CSPG5: variants seen among roughly 807,000 people sequenced by gnomAD.
CSPG5 encodes chondroitin sulfate proteoglycan 5.
Under a neutral mutation model 39.8 loss-of-function variants are expected in CSPG5, and 25 were observed. The observed-to-expected ratio is 0.63, with a 90% CI of 0.46 to 0.88. The LOEUF (loss-of-function observed/expected upper bound fraction) is 0.88. CSPG5 is among the 40% of genes least tolerant of loss of function. The pLI is 0.00. For missense variants in CSPG5, 627 were observed against 702.2 expected, an observed-to-expected ratio of 0.89 and a Z score of 1.21; for synonymous variants, 295 against 303.9, an observed-to-expected ratio of 0.97 and a Z score of 0.31.
intron 4 of CSPG5, among the ~76,000 whole-genome samples, chr3:47,565,897 T>C (rs1470465259): frequency 6.6e-6 from 1 of 152,210 alleles, no homozygotes; most frequent in African/African-American, 2.4e-5. Flanking sequence ...GGCAGCTTCC[T>C]ACATTCTCTG....
rs1039221994 is a variant in CSPG5, at chr3:47,578,159, C to G, written c.98-231G>C. On this transcript the variant is annotated intron_variant, in intron 1 of 4. Transcript: ENST00000264723. This position sits in a 1 kb window ranked among gnomAD's most constrained non-coding sequence, Gnocchi z 6.0. Reference sequence around the variant, plus strand: ...CCCGCCCAACGCCTCGCGGCTCGGCCCCGCCCGACCTGCCCCGCCGTCTGA... The same window carrying G: ...CCCGCCCAACGCCTCGCGGCTCGGCGCCGCCCGACCTGCCCCGCCGTCTGA... 6.5e-6 allele frequency: 4 copies of G among 610,886 alleles called. No homozygotes were observed. The highest frequency in any genetic ancestry group is 5.8e-5 in the African/African-American group (3 of 52,100). The allele number at this position is 610,886 out of a possible 1,614,324, so 37.8% of individuals were successfully genotyped here.
At chr3:47,562,826 C>T (rs1006237743) in intron 4 of CSPG5, 65 bp from the exon 5 acceptor site, 6 of 1,436,036 alleles carry the variant, frequency 4.2e-6, no homozygotes, top group Non-Finnish European at 4.7e-6. Context: ...ATAATATCAG[C>T]GTTTTCTATC....
chr3:47,579,158 G>C (rs1285821611), upstream of CSPG5: 1 of 152,216 alleles, frequency 6.6e-6, no homozygotes, highest in Non-Finnish European at 1.5e-5. The surrounding 1 kb of genome is among the most constrained non-coding windows in gnomAD (Gnocchi z 4.2). Flanking sequence ...CAGGCGGCAC[G>C]GGGCCCCGAC....
At chr3:47,579,331 T>G (rs1404648944), upstream of CSPG5, 2 of 152,222 alleles carry the variant, frequency 1.3e-5, no homozygotes, top group Non-Finnish European at 2.9e-5. This position sits in a 1 kb window ranked among gnomAD's most constrained non-coding sequence, Gnocchi z 4.2. Context: ...CCTCTCGGAT[T>G]CTGCACCAAT....
rs751975089 is a variant in CSPG5 at position 47,577,729 on chromosome 3, G to A, written c.297C>T (p.Ala99=). The change falls in exon 2 of 5, where the codon GCC becomes GCT. Residue 99 remains alanine (A), a synonymous_variant. Coordinates refer to ENST00000264723, the MANE Select transcript of CSPG5 (RefSeq NM_006574.4). The surrounding 1 kb of genome is among the most constrained non-coding windows in gnomAD (Gnocchi z 4.7). The stretch of plus-strand genomic sequence containing the variant: ...GGCCTGGGCTGTCAGCTTCCAGCCA[G>A]GCGGTGCCGGTCACCGCAGCCGACT... ...LQESAAVTGT[A]WLEADSPGLG... is the part of the protein sequence containing the mutation. The A allele has an allele frequency of 5.1e-6, 8 of 1,579,288 alleles. No homozygotes were observed. Among genetic ancestry groups the A allele is most frequent in the Non-Finnish European group, 5.1e-6 (6 of 1,168,192 alleles).
chr3:47,567,739 T>A (rs2031367118), intron 4 of CSPG5, among the ~76,000 whole-genome samples: 2 of 152,212 alleles, frequency 1.3e-5, no homozygotes, highest in South Asian at 4.1e-4. Context: ...AGGCCAGGCA[T>A]GGTAGCTCAC....
At chr3:47,564,708 A>C (rs1168476719) in intron 4 of CSPG5, among the ~76,000 whole-genome samples, 1 of 152,200 alleles carries the variant, frequency 6.6e-6, no homozygotes, top group African/African-American at 2.4e-5. Context: ...TGATTGAAAA[A>C]AAGTAAGGGG....
At chr3:47,576,223 C>CGTG (rs1705756152) in intron 2 of CSPG5, among the ~76,000 whole-genome samples, 1 of 152,086 alleles carries the variant, frequency 6.6e-6, no homozygotes, top group Non-Finnish European at 1.5e-5. Flanking sequence ...AGGCGTGAGC[C>CGTG]ACCACGCCCG....
At chr3:47,566,734 G>A (rs1031568811) in intron 4 of CSPG5, among the ~76,000 whole-genome samples, 1 of 152,156 alleles carries the variant, frequency 6.6e-6, no homozygotes, top group Non-Finnish European at 1.5e-5. Context: ...GAGAGAACCA[G>A]AGCCAGATCT....
At chr3:47,562,791 A>T in intron 4 of CSPG5, 30 bp from the exon 5 acceptor site, 1 of 1,541,556 alleles carries the variant, frequency 6.5e-7, no homozygotes, top group Non-Finnish European at 8.9e-7. Context: ...GGGGGGGGGG[A>T]GACAATGCAT....
chr3:47,577,457 T>G lies in CSPG5; in HGVS notation c.569A>C (p.Glu190Ala). Reference protein sequence around the residue: ...GGSTPDPQGPELTYPFQGTLE... With the variant: ...GGSTPDPQGPALTYPFQGTLE... Reference sequence around the variant, plus strand: ...GGTGCCCTGAAATGGGTAAGTCAGCTCTGGCCCTTGAGGGTCGGGTGTGCT... The same window carrying G: ...GGTGCCCTGAAATGGGTAAGTCAGCGCTGGCCCTTGAGGGTCGGGTGTGCT... The change falls in exon 2 of 5, where the codon GAG becomes GCG. Residue 190 changes from glutamate to alanine, a missense_variant. Glu to Ala is a moderately radical substitution (Grantham distance 107, BLOSUM62 -1). Transcript: ENST00000264723. The surrounding 1 kb of genome is among the most constrained non-coding windows in gnomAD (Gnocchi z 4.7). 1 of 1,614,052 alleles carries G rather than the reference T, an allele frequency of 6.2e-7. No individual in the cohort carries two copies. The highest frequency in any genetic ancestry group is 8.5e-7 in the Non-Finnish European group (1 of 1,180,000).
In CSPG5 at chr3:47,577,011, G is replaced by A. The variant is rs762695503; in HGVS notation, c.1015C>T (p.Leu339Phe). The change falls in exon 2 of 5, where the codon CTC becomes TTC. Residue 339 changes from leucine to phenylalanine, a missense_variant. Leu to Phe is a conservative substitution (Grantham distance 22, BLOSUM62 0). Coordinates refer to ENST00000264723, the MANE Select transcript of CSPG5 (RefSeq NM_006574.4). The surrounding 1 kb of genome is among the most constrained non-coding windows in gnomAD (Gnocchi z 4.7). ...LGSVPGSSIALRPRPGEPGRD... is the reference protein window; with the variant it reads ...LGSVPGSSIAFRPRPGEPGRD... ...CCTGGCTCTCCTGGGCGGGGCCTGA[G>A]GGCGATGCTGCTGCCGGGGACCGAC... The A allele has an allele frequency of 6.2e-7, 1 of 1,613,238 alleles. No homozygotes were observed. The highest frequency in any genetic ancestry group is 1.1e-5 in the South Asian group (1 of 90,988).
chr3:47,574,880 A>G (rs2031650478), intron 2 of CSPG5, among the ~76,000 whole-genome samples: 1 of 152,096 alleles, frequency 6.6e-6, no homozygotes, highest in African/African-American at 2.4e-5. Flanking sequence ...CGGAGCTTAT[A>G]GTGAGTCGAG....
chr3:47,574,852 T>C (rs3772404), intron 2 of CSPG5, among the ~76,000 whole-genome samples: 35,242 of 151,966 alleles, frequency 0.23, 5,282 homozygotes, highest in Admixed American at 0.31. Flanking sequence ...GGCAGGAGAA[T>C]GGCATGAACC....
Position 47,572,913 on chromosome 3 carries a change from G to A in CSPG5, c.1194-39C>T. On this transcript the variant is annotated intron_variant, in intron 2 of 4. Transcript: ENST00000264723. The surrounding 1 kb of genome is among the most constrained non-coding windows in gnomAD (Gnocchi z 4.5). ...ATTGAGAAACCGTGGCGATGGAGCAGGCAGCCACGGCCACAGTAAGGGCCT... is the reference window on the plus strand; with the variant it reads ...ATTGAGAAACCGTGGCGATGGAGCAAGCAGCCACGGCCACAGTAAGGGCCT... 6.3e-7 allele frequency: 1 copy of A among 1,578,738 alleles called. No homozygotes were observed. The highest frequency in any genetic ancestry group is 8.6e-7 in the Non-Finnish European group (1 of 1,156,228).
At chr3:47,573,423 T>C (rs554006879) in intron 2 of CSPG5, among the ~76,000 whole-genome samples, 7 of 152,304 alleles carry the variant, frequency 4.6e-5, no homozygotes, top group Non-Finnish European at 5.9e-5. Flanking sequence ...AATAGAAAGA[T>C]GGATGTAGAT....
intron 4 of CSPG5, among the ~76,000 whole-genome samples, chr3:47,566,981 T>C (rs1380132840): frequency 2.0e-5 from 3 of 152,200 alleles, no homozygotes; most frequent in Non-Finnish European, 4.4e-5. Flanking sequence ...TAAGGGTCAG[T>C]GGCAGCGTTC....
At chr3:47,573,986 T>C (rs2031615083) in intron 2 of CSPG5, among the ~76,000 whole-genome samples, 1 of 152,214 alleles carries the variant, frequency 6.6e-6, no homozygotes. Context: ...CACTGCAGTC[T>C]GCAACCAACG....
intron 3 of CSPG5, among the ~76,000 whole-genome samples, chr3:47,570,861 G>A (rs1559612364): frequency 6.6e-6 from 1 of 152,140 alleles, no homozygotes; most frequent in Non-Finnish European, 1.5e-5. Context: ...TTAGACTTTA[G>A]ATAAGGGACT....
Sources: allele counts gnomAD v4.1 joint callset (sites outside exome capture counted in the v4.1 genomes callset), GRCh38; gene constraint gnomAD v4.1.1; non-coding constraint Gnocchi (gnomAD v3.1); transcripts MANE v1.5; gene names NCBI Gene and HGNC (gene_info 2026-07-23, HGNC 2026-07-21).